EYS: variants seen among roughly 807,000 people sequenced by gnomAD.
The protein encoded by EYS is protein eyes shut homolog.
A neutral mutation model predicts 282.1 loss-of-function variants in EYS; 250 were observed. The ratio of observed to expected loss-of-function variants is 0.89; its 90% CI spans 0.80 to 0.98. The LOEUF is 0.98. EYS is among the 50% of genes least tolerant of loss of function. EYS has a pLI of 0.00. For missense variants in EYS, 4,016 were observed against 3,709.0 expected (o/e 1.08, Z -2.15); for synonymous variants, 1,355 against 1,282.9 (o/e 1.06, Z -1.20).
At chr6:65,280,269 T>C (rs1406231062) in intron 12 of EYS, among the ~76,000 whole-genome samples, 2 of 152,142 alleles carry the variant, frequency 1.3e-5, no homozygotes, top group Admixed American at 6.5e-5. Context: ...CCTCCCTCCA[T>C]TCTGCCATCG....
At chr6:65,035,328 T>C (rs1208732325) in intron 13 of EYS, among the ~76,000 whole-genome samples, 1 of 151,994 alleles carries the variant, frequency 6.6e-6, no homozygotes, top group Non-Finnish European at 1.5e-5. Flanking sequence ...ATATTGAACA[T>C]AGCACCGGAA....
At chr6:65,662,839 G>T (rs1452613756) in intron 1 of EYS, among the ~76,000 whole-genome samples, 1 of 152,066 alleles carries the variant, frequency 6.6e-6, no homozygotes, top group Non-Finnish European at 1.5e-5. Context: ...GTTAGTCAAG[G>T]TTGTTATAAA....
intron 2 of EYS, among the ~76,000 whole-genome samples, chr6:65,573,899 C>T (rs1204955351): frequency 6.6e-6 from 1 of 152,122 alleles, no homozygotes; most frequent in Admixed American, 6.6e-5. Flanking sequence ...CAGTGTAAGC[C>T]TCTATGACCC....
intron 12 of EYS, among the ~76,000 whole-genome samples, chr6:65,107,794 C>T (rs190190777): frequency 9.7e-4 from 148 of 151,850 alleles, no homozygotes; most frequent in African/African-American, 3.4e-3. Flanking sequence ...TGGTTTAAGT[C>T]TGCCACTTTA....
intron 16 of EYS, among the ~76,000 whole-genome samples, chr6:64,911,139 T>C (rs1048538772): frequency 6.6e-6 from 1 of 152,142 alleles, no homozygotes; most frequent in Admixed American, 6.5e-5. Context: ...TGAATAATTT[T>C]CAACAAGTTT....
intron 12 of EYS, among the ~76,000 whole-genome samples, chr6:65,220,642 T>C (rs780092242): frequency 3.0e-4 from 46 of 152,080 alleles, no homozygotes; most frequent in Non-Finnish European, 5.0e-4. Context: ...ATATAGTAAA[T>C]TGGCACCAGT....
intron 12 of EYS, among the ~76,000 whole-genome samples, chr6:65,083,075 ATTG>A (rs1289475443): frequency 6.6e-6 from 1 of 151,986 alleles, no homozygotes; most frequent in African/African-American, 2.4e-5. Flanking sequence ...AAAAAATCAC[ATTG>A]TTTAGAGTAG....
intron 8 of EYS, among the ~76,000 whole-genome samples, chr6:65,382,653 G>A (rs534196669): frequency 6.6e-6 from 1 of 152,054 alleles, no homozygotes; most frequent in South Asian, 2.1e-4. Context: ...TGCAAGCTGA[G>A]GAGCAAGGAA....
chr6:65,611,415 G>T (rs115978499), intron 2 of EYS, among the ~76,000 whole-genome samples: 1,941 of 151,886 alleles, frequency 0.013, 29 homozygotes, highest in African/African-American at 0.043. Flanking sequence ...TATAATATGG[G>T]TATATAAGAA....
intron 2 of EYS, among the ~76,000 whole-genome samples, chr6:65,520,282 T>C (rs1395753679): frequency 2.6e-5 from 4 of 152,136 alleles, no homozygotes; most frequent in Admixed American, 6.6e-5. Context: ...TTATATATGA[T>C]AAAAAGAAAC....
In EYS at chr6:64,591,789, G is replaced by T. The variant is rs1462435314; in HGVS notation, c.4078C>A (p.Gln1360Lys). 2 of 1,551,300 alleles carry T rather than the reference G, an allele frequency of 1.3e-6. No individual in the cohort carries two copies. Among genetic ancestry groups the T allele is most frequent in the South Asian group, 2.4e-5 (2 of 84,048 alleles). ...FLNFGIRDPA[Q>K]IVQDKTSVSH... The stretch of plus-strand genomic sequence containing the variant: ...ACCGATGTTTTGTCCTGGACAATTT[G>T]TGCTGGGTCACGAATACCAAAATTC... The change falls in exon 26 of 43, where the codon CAA becomes AAA. Residue 1360 changes from glutamine to lysine, a missense_variant. By Grantham distance (53) the Gln-to-Lys change is moderately conservative. Transcript: ENST00000503581.
chr6:63,901,572 C>A (rs1232027764), intron 35 of EYS, among the ~76,000 whole-genome samples: 4 of 152,174 alleles, frequency 2.6e-5, no homozygotes, highest in Non-Finnish European at 4.4e-5. Context: ...ACTAGACATA[C>A]AATAGTCACT....
chr6:64,720,327 C>T (rs1445003962), intron 22 of EYS, among the ~76,000 whole-genome samples: 1 of 152,156 alleles, frequency 6.6e-6, no homozygotes, highest in Non-Finnish European at 1.5e-5. Context: ...CTTATGATTA[C>T]ATCAGTTCTA....
At chr6:64,985,702 C>A (rs1396247713) in intron 14 of EYS, among the ~76,000 whole-genome samples, 4 of 151,546 alleles carry the variant, frequency 2.6e-5, no homozygotes, top group African/African-American at 9.6e-5. Flanking sequence ...CAGAGAAAAA[C>A]TGATTCTTTT....
intron 36 of EYS, among the ~76,000 whole-genome samples, chr6:63,863,071 T>C (rs1170664952): frequency 1.3e-5 from 2 of 152,242 alleles, no homozygotes; most frequent in East Asian, 1.9e-4. Context: ...ATTTGCTTCA[T>C]TTTGTGATTC....
At chr6:64,389,097 T>C (rs999291023) in intron 28 of EYS, among the ~76,000 whole-genome samples, 1 of 152,190 alleles carries the variant, frequency 6.6e-6, no homozygotes, top group Non-Finnish European at 1.5e-5. Context: ...AAACAGATCT[T>C]TCTCAATTGT....
Position 63,789,144 on chromosome 6 carries a change from C to G in EYS, c.7492G>C (p.Ala2498Pro), listed in dbSNP as rs1311193836. 2.6e-6 allele frequency: 4 copies of G among 1,551,756 alleles called. No homozygotes were observed. The East Asian group carries it at 9.8e-5, about 38-fold the overall frequency. The stretch of plus-strand genomic sequence containing the variant: ...TTGAGGGGCTCGCTCCTGATGCTTG[C>G]TATGCCAGACCCCAGGTTATAACTA... Reference protein sequence around the residue: ...VYSYNLGSGIASIRSEPLNLS... With the variant: ...VYSYNLGSGIPSIRSEPLNLS... Residue 2498 changes from alanine to proline, a missense_variant, in exon 38 of 43, where the codon GCA becomes CCA. Transcript: ENST00000503581.
chr6:64,540,340 T>G (rs1764662192), intron 26 of EYS, among the ~76,000 whole-genome samples: 1 of 152,144 alleles, frequency 6.6e-6, no homozygotes. Context: ...AGTTTTCTCT[T>G]GAGGAAACCA....
intron 8 of EYS, among the ~76,000 whole-genome samples, chr6:65,362,259 A>G (rs1161978349): frequency 1.3e-5 from 2 of 152,092 alleles, no homozygotes; most frequent in Admixed American, 1.3e-4. Flanking sequence ...TGGCACAAAT[A>G]AAGTAAAAGA....
Sources: gnomAD v4.1 joint callset for allele counts (sites outside exome capture counted in the v4.1 genomes callset) on GRCh38, gnomAD v4.1.1 for gene constraint, MANE v1.5 for transcripts, NCBI Gene and HGNC (gene_info 2026-07-23, HGNC 2026-07-21) for gene names.